Variants in URI1 observed in about 807,000 individuals in gnomAD.
The protein encoded by URI1 is unconventional prefoldin RPB5 interactor 1.
In URI1, 39 loss-of-function variants were observed where a neutral mutation model predicts 60.2. The ratio of observed to expected loss-of-function variants is 0.65; its 90% CI spans 0.50 to 0.85. The LOEUF (loss-of-function observed/expected upper bound fraction) is 0.85, where lower values mean the gene tolerates loss of function less well. Among genes scored for constraint, URI1 ranks in the 40% least tolerant of loss-of-function variants. The pLI, the probability that URI1 is intolerant of heterozygous loss-of-function variation, is 0.00. For synonymous variants in URI1, 251 were observed against 236.8 expected, an observed-to-expected ratio of 1.06 and a Z score of -0.55; for missense variants, 691 against 665.9, an observed-to-expected ratio of 1.04 and a Z score of -0.42.
intron 1 of URI1, among the ~76,000 whole-genome samples, chr19:29,931,340 A>G (rs865774280): frequency 2.6e-5 from 4 of 152,168 alleles, no homozygotes; most frequent in Non-Finnish European, 4.4e-5. Flanking sequence ...GGTGTTGGAA[A>G]AGCCAGTTTC....
chr19:29,949,348 G>A (rs1026459871), intron 1 of URI1, among the ~76,000 whole-genome samples: 6 of 151,398 alleles, frequency 4.0e-5, no homozygotes, highest in Non-Finnish European at 8.8e-5. Context: ...CATCTCAGAC[G>A]ATGGGCGGCT....
intron 1 of URI1, among the ~76,000 whole-genome samples, chr19:29,945,149 A>G (rs562841255): frequency 6.6e-6 from 1 of 152,148 alleles, no homozygotes. Context: ...GATTTGAATG[A>G]CTGTTCTCAG....
Position 29,942,320 on chromosome 19 carries a change from T to C in URI1, c.-228T>C. The C allele has an allele frequency of 3.0e-6, 3 of 985,058 alleles. No individual in the cohort carries two copies. The highest frequency in any genetic ancestry group is 2.4e-6 in the Non-Finnish European group (2 of 829,670). 61.0% of individuals were successfully genotyped at this position (985,058 alleles called of 1,614,324 possible). A position where few individuals can be genotyped will look rare whatever the true frequency, so the allele number is the denominator to read the frequency against. On this transcript the variant is annotated 5_prime_UTR_variant, in exon 1 of 11. Transcript: ENST00000392271. ...TCTCGGTACCTGGCAGGCGGCCTGC[T>C]ACTCGGAGCCCGCTGCGGGGCGGCG...
intron 2 of URI1, 141 bp from the exon 3 acceptor site, chr19:29,985,082 T>C (rs2055646765): frequency 4.4e-6 from 3 of 680,814 alleles, no homozygotes; most frequent in African/African-American, 2.3e-5. Flanking sequence ...ATCACGCCAC[T>C]GCACTTTAGC....
At chr19:29,996,702 G>A (rs576125546) in intron 4 of URI1, among the ~76,000 whole-genome samples, 19 of 152,088 alleles carry the variant, frequency 1.2e-4, no homozygotes, top group Non-Finnish European at 2.4e-4. Flanking sequence ...GGAGAGACTC[G>A]CAGTCTTTCA....
intron 2 of URI1, among the ~76,000 whole-genome samples, chr19:29,975,305 A>G (rs1253697156): frequency 2.0e-5 from 3 of 152,168 alleles, no homozygotes; most frequent in Non-Finnish European, 4.4e-5. Context: ...TCTAAGCCGT[A>G]TCATTCCATC....
intron 2 of URI1, among the ~76,000 whole-genome samples, chr19:29,981,128 A>G (rs904531707): frequency 6.6e-6 from 1 of 151,464 alleles, no homozygotes; most frequent in Non-Finnish European, 1.5e-5. Context: ...TATTTTTGTC[A>G]GTCACTTTTA....
Position 30,009,294 on chromosome 19 carries a change from G to A in URI1, c.976G>A (p.Gly326Arg). ...TGGTGATAACGACCATGAGGCTTTA[G>A]GGGTTGGAGATAATTCTATACCAAC... is the stretch of plus-strand genomic sequence containing the variant. ...DDGDNDHEALGVGDNSIPTIY... is the reference protein window; with the variant it reads ...DDGDNDHEALRVGDNSIPTIY... The change falls in exon 8 of 11, where the codon GGG (glycine) becomes AGG (arginine). Residue 326 changes from glycine (G) to arginine (R), a missense_variant. Transcript: ENST00000392271. 6.2e-7 allele frequency: 1 copy of A among 1,614,086 alleles called. No homozygotes were observed. Among genetic ancestry groups the A allele is most frequent in the Non-Finnish European group, 8.5e-7 (1 of 1,179,994 alleles).
chr19:29,984,210 G>A (rs1281851326), intron 2 of URI1, among the ~76,000 whole-genome samples: 1 of 152,184 alleles, frequency 6.6e-6, no homozygotes, highest in Non-Finnish European at 1.5e-5. Flanking sequence ...GGGATCGCTT[G>A]AAGCCAGGAG....
At chr19:29,951,218 T>A (rs1158006727) in intron 1 of URI1, among the ~76,000 whole-genome samples, 1 of 152,226 alleles carries the variant, frequency 6.6e-6, no homozygotes, top group Non-Finnish European at 1.5e-5. Context: ...TTGTTTAAGA[T>A]GTCAAGTCTC....
intron 1 of URI1, among the ~76,000 whole-genome samples, chr19:29,924,054 AG>A (rs1379407727): frequency 6.6e-6 from 1 of 152,162 alleles, no homozygotes; most frequent in South Asian, 2.1e-4. Context: ...GGGCAGGAGA[AG>A]GTGGATGTCC....
At chr19:29,953,607 C>G (rs991783826) in intron 1 of URI1, among the ~76,000 whole-genome samples, 15 of 151,936 alleles carry the variant, frequency 9.9e-5, no homozygotes, top group African/African-American at 3.1e-4. Context: ...ATGCAGTAGA[C>G]AATGGAAGGA....
intron 4 of URI1, among the ~76,000 whole-genome samples, chr19:29,987,805 A>G (rs1429513847): frequency 1.3e-5 from 2 of 152,194 alleles, no homozygotes; most frequent in Non-Finnish European, 2.9e-5. Context: ...TTGGAAAGTG[A>G]CCAAACATAG....
rs2055668630 is a variant in URI1, at chr19:29,986,321, G to T, written c.271G>T (p.Val91Phe). ...TTTTGCCTTCATGCCAGGAAAACTT[G>T]TCCATACTAATGAAGTCACTGTTTT... ...GPFAFMPGKL[V>F]HTNEVTVLLG... Residue 91 changes from valine to phenylalanine, a missense_variant, in exon 4 of 11, where the codon GTC (valine) becomes TTC (phenylalanine). Transcript: ENST00000392271. 1 of 1,607,698 alleles carries T rather than the reference G, an allele frequency of 6.2e-7. No homozygotes were observed. The highest frequency in any genetic ancestry group is 1.7e-5 in the Admixed American group (1 of 57,692).
At chr19:29,927,650 C>T (rs911162398) in intron 1 of URI1, among the ~76,000 whole-genome samples, 1 of 146,868 alleles carries the variant, frequency 6.8e-6, no homozygotes, top group African/African-American at 2.6e-5. Flanking sequence ...GATCTCAGCT[C>T]ACTGCAACCT....
chr19:29,945,705 G>A (rs1020656254), intron 1 of URI1, among the ~76,000 whole-genome samples: 1 of 152,132 alleles, frequency 6.6e-6, no homozygotes, highest in Admixed American at 6.5e-5. Context: ...AATAAATCAG[G>A]AGCTGTTACG....
At chr19:29,954,260 C>T (rs2055214975) in intron 1 of URI1, among the ~76,000 whole-genome samples, 1 of 152,178 alleles carries the variant, frequency 6.6e-6, no homozygotes, top group South Asian at 2.1e-4. Flanking sequence ...GTAATTAATG[C>T]TTTTGGGGTG....
rs2055039705 is a variant in URI1 at position 29,942,452 on chromosome 19, G to A, written c.-96G>A. On this transcript the variant is annotated 5_prime_UTR_variant, in exon 1 of 11. Transcript: ENST00000392271. ...TGGGCGCGGGGCGCGCGGTGCCTGA[G>A]GGCGGGCGCGCGGGCGCTGGGCAAC... is the stretch of plus-strand genomic sequence containing the variant. The A allele has an allele frequency of 9.9e-7, 1 of 1,009,930 alleles. No individual in the cohort carries two copies. Among genetic ancestry groups the A allele is most frequent in the Non-Finnish European group, 1.2e-6 (1 of 846,620 alleles). The allele number at this position is 1,009,930 out of a possible 1,614,324, so 62.6% of individuals were successfully genotyped here.
chr19:30,010,084 GA>G (rs1484481185), intron 8 of URI1, among the ~76,000 whole-genome samples: 3 of 152,094 alleles, frequency 2.0e-5, no homozygotes, highest in African/African-American at 7.2e-5. Flanking sequence ...GGGACACTGG[GA>G]ATTCGTCTAA....
Sources: allele counts gnomAD v4.1 joint callset (sites outside exome capture counted in the v4.1 genomes callset), GRCh38; gene constraint gnomAD v4.1.1; transcripts MANE v1.5; gene names NCBI Gene and HGNC (gene_info 2026-07-23, HGNC 2026-07-21).